ERBB4: variants seen among roughly 807,000 people sequenced by gnomAD.
ERBB4 encodes the protein receptor tyrosine-protein kinase erbB-4.
ERBB4 carries 42 observed loss-of-function variants against 158.0 expected under a neutral mutation model. The ratio of observed to expected loss-of-function variants is 0.27; its 90% CI spans 0.21 to 0.34. ERBB4 has a LOEUF of 0.34. Among genes scored for constraint, ERBB4 ranks in the 10% least tolerant of loss-of-function variants. The pLI is 1.00. For missense variants in ERBB4, 1,333 were observed against 1,624.1 expected (o/e 0.82, Z 3.08); for synonymous variants, 583 against 558.7 (o/e 1.04, Z -0.61).
intron 1 of ERBB4, among the ~76,000 whole-genome samples, chr2:212,320,103 T>A (rs1029875346): frequency 6.7e-6 from 1 of 149,710 alleles, no homozygotes; most frequent in African/African-American, 2.4e-5. Context: ...TGTACTGAGG[T>A]GAGGGAAAAT....
intron 20 of ERBB4, among the ~76,000 whole-genome samples, chr2:211,497,756 A>T (rs568424849): frequency 2.5e-4 from 38 of 152,272 alleles, no homozygotes; most frequent in African/African-American, 8.7e-4. Context: ...TATTTATTTC[A>T]TGGATGGTCC....
intron 1 of ERBB4, among the ~76,000 whole-genome samples, chr2:212,160,754 G>A (rs1202471500): frequency 2.6e-5 from 4 of 152,014 alleles, no homozygotes; most frequent in African/African-American, 9.6e-5. Flanking sequence ...TTACTTGGCT[G>A]GCTATTTCCT....
At chr2:211,614,969 G>A (rs1397584333) in intron 19 of ERBB4, among the ~76,000 whole-genome samples, 1 of 152,032 alleles carries the variant, frequency 6.6e-6, no homozygotes. Flanking sequence ...ACATAATAAA[G>A]TCAGATGACT....
At chr2:211,699,524 T>C (rs2073154312) in intron 12 of ERBB4, among the ~76,000 whole-genome samples, 1 of 152,114 alleles carries the variant, frequency 6.6e-6, no homozygotes, top group Non-Finnish European at 1.5e-5. Context: ...GGATCCGGTG[T>C]GCTGTGAGAC....
intron 1 of ERBB4, among the ~76,000 whole-genome samples, chr2:212,323,310 G>A (rs1280390441): frequency 6.7e-6 from 1 of 150,364 alleles, no homozygotes; most frequent in African/African-American, 2.4e-5. Flanking sequence ...AAGCTCAGTT[G>A]CTTTTGATGA....
chr2:212,485,010 A>C (rs78070368), intron 1 of ERBB4, among the ~76,000 whole-genome samples: 1,843 of 152,278 alleles, frequency 0.012, 32 homozygotes, highest in African/African-American at 0.043. Context: ...ATCAAAGTAC[A>C]GCCTTCTGAG....
chr2:212,401,160 C>A (rs1363589458), intron 1 of ERBB4, among the ~76,000 whole-genome samples: 1 of 152,124 alleles, frequency 6.6e-6, no homozygotes, highest in Non-Finnish European at 1.5e-5. Flanking sequence ...CTAGTCAGAA[C>A]ACATGGATCC....
intron 1 of ERBB4, among the ~76,000 whole-genome samples, chr2:212,131,353 C>T (rs935471435): frequency 1.3e-5 from 2 of 152,134 alleles, no homozygotes; most frequent in Non-Finnish European, 2.9e-5. Flanking sequence ...CACCCTTTGG[C>T]ATCTCATTAA....
chr2:212,130,360 T>C (rs545398658), intron 1 of ERBB4, among the ~76,000 whole-genome samples: 1 of 152,160 alleles, frequency 6.6e-6, no homozygotes, highest in Non-Finnish European at 1.5e-5. Flanking sequence ...AATGTAGCTA[T>C]ACTTCCAAAC....
intron 1 of ERBB4, among the ~76,000 whole-genome samples, chr2:212,425,229 C>A (rs558668185): frequency 6.7e-6 from 1 of 149,074 alleles, no homozygotes; most frequent in Non-Finnish European, 1.5e-5. Context: ...AATATTTGCT[C>A]ACATTAAAAA....
At chr2:211,939,208 T>G (rs1283344374) in intron 3 of ERBB4, among the ~76,000 whole-genome samples, 2 of 152,194 alleles carry the variant, frequency 1.3e-5, no homozygotes, top group Non-Finnish European at 2.9e-5. Context: ...ACAATAGTTT[T>G]GCCTGAAGAA....
At chr2:211,637,417 A>G (rs1254355778) in intron 16 of ERBB4, among the ~76,000 whole-genome samples, 1 of 151,838 alleles carries the variant, frequency 6.6e-6, no homozygotes, top group African/African-American at 2.4e-5. Context: ...CATAAGAGAA[A>G]GACAAGATTT....
intron 1 of ERBB4, among the ~76,000 whole-genome samples, chr2:212,490,010 C>A (rs560573481): frequency 4.9e-4 from 75 of 151,962 alleles, no homozygotes; most frequent in African/African-American, 1.7e-3. Flanking sequence ...GAACTACTTG[C>A]AGTTTCCCAA....
intron 1 of ERBB4, among the ~76,000 whole-genome samples, chr2:212,319,764 G>A (rs1277515314): frequency 6.7e-6 from 1 of 150,334 alleles, no homozygotes; most frequent in Admixed American, 6.6e-5. Flanking sequence ...TGATTTCCAA[G>A]TTAGTAAGCA....
At chr2:211,773,341 G>GTACA (rs1575125084) in intron 4 of ERBB4, among the ~76,000 whole-genome samples, 2 of 151,408 alleles carry the variant, frequency 1.3e-5, no homozygotes, top group East Asian at 3.9e-4. Context: ...ATGTGTGTAT[G>GTACA]TATAAATTTA....
intron 9 of ERBB4, among the ~76,000 whole-genome samples, chr2:211,706,506 A>C (rs1429652894): frequency 2.0e-5 from 3 of 152,002 alleles, no homozygotes; most frequent in African/African-American, 7.2e-5. Flanking sequence ...CAGTTCCAGC[A>C]ACCTTGATCT....
At chr2:212,457,892 C>A (rs576034963) in intron 1 of ERBB4, among the ~76,000 whole-genome samples, 2 of 151,752 alleles carry the variant, frequency 1.3e-5, no homozygotes, top group African/African-American at 2.4e-5. Context: ...CCGTAGGCAC[C>A]CTAGTAATAT....
At chr2:212,117,000 G>T (rs1381280973) in intron 2 of ERBB4, among the ~76,000 whole-genome samples, 1 of 151,976 alleles carries the variant, frequency 6.6e-6, no homozygotes, top group Non-Finnish European at 1.5e-5. Flanking sequence ...ATTAGATTTA[G>T]TACAAAATCA....
At chr2:211,851,203 C>A (rs1258671220) in intron 3 of ERBB4, among the ~76,000 whole-genome samples, 1 of 151,458 alleles carries the variant, frequency 6.6e-6, no homozygotes, top group Non-Finnish European at 1.5e-5. Flanking sequence ...GAAGAAACTG[C>A]AAAAGAAAAT....
Sources: allele counts gnomAD v4.1 joint callset (sites outside exome capture counted in the v4.1 genomes callset), GRCh38; gene constraint gnomAD v4.1.1; transcripts MANE v1.5; gene names NCBI Gene and HGNC (gene_info 2026-07-23, HGNC 2026-07-21).